The following KCNH1 variants were observed in gnomAD, a reference collection of about 807,000 sequenced individuals.
KCNH1 encodes voltage-gated delayed rectifier potassium channel KCNH1.
Under a neutral mutation model 69.2 loss-of-function variants are expected in KCNH1, and 27 were observed. The observed-to-expected ratio is 0.39, with a 90% CI of 0.29 to 0.54. The LOEUF (loss-of-function observed/expected upper bound fraction) is 0.54, where lower values mean the gene tolerates loss of function less well. Ranked by LOEUF, KCNH1 falls within the 20% of genes least tolerant of loss-of-function variation. The probability of loss-of-function intolerance (pLI) is 0.68; values close to 1 mark genes in which losing one functional copy is unlikely to be tolerated. For missense variants in KCNH1, 798 were observed against 1,261.6 expected (o/e 0.63, Z 5.57); for synonymous variants, 456 against 487.7 (o/e 0.93, Z 0.86).
intron 5 of KCNH1, among the ~76,000 whole-genome samples, chr1:211,065,089 T>C (rs1690504414): frequency 6.6e-6 from 1 of 152,174 alleles, no homozygotes; most frequent in South Asian, 2.1e-4. Context: ...TTCCTCAAAA[T>C]ATTTAAAATA....
intron 4 of KCNH1, 83 bp from the exon 5 acceptor site, chr1:211,082,981 A>G: frequency 9.0e-7 from 1 of 1,115,304 alleles, no homozygotes; most frequent in Non-Finnish European, 1.3e-6. Context: ...TTATACTGTC[A>G]GAAACAGACA....
At chr1:210,853,563 A>C (rs1445425732) in intron 7 of KCNH1, among the ~76,000 whole-genome samples, 1 of 152,184 alleles carries the variant, frequency 6.6e-6, no homozygotes, top group Non-Finnish European at 1.5e-5. Context: ...TGCATTCCTC[A>C]AGGGCACTCT....
chr1:211,040,064 G>A (rs374629536), intron 5 of KCNH1, among the ~76,000 whole-genome samples: 58 of 152,118 alleles, frequency 3.8e-4, no homozygotes, highest in East Asian at 2.5e-3. Flanking sequence ...GGTGGCGGGC[G>A]CCTGTAGTCC....
At chr1:210,995,131 G>C (rs1311724258) in intron 6 of KCNH1, among the ~76,000 whole-genome samples, 3 of 152,050 alleles carry the variant, frequency 2.0e-5, no homozygotes, top group African/African-American at 7.2e-5. Flanking sequence ...CTTACACAGA[G>C]AGGTGACAAT....
intron 6 of KCNH1, among the ~76,000 whole-genome samples, chr1:210,980,767 G>A (rs1038665232): frequency 7.2e-5 from 11 of 152,134 alleles, no homozygotes; most frequent in Admixed American, 1.3e-4. Flanking sequence ...GATATATATT[G>A]AGAAGCAACA....
At chr1:211,033,561 A>T (rs1202313463) in intron 5 of KCNH1, among the ~76,000 whole-genome samples, 1 of 152,244 alleles carries the variant, frequency 6.6e-6, no homozygotes, top group Non-Finnish European at 1.5e-5. Flanking sequence ...TGGCACATAT[A>T]CACCACGGAA....
Position 210,976,510 on chromosome 1 carries a change from G to A in KCNH1, c.1032+42273C>T, listed in dbSNP as rs1360528556. Among the ~76,000 whole-genome samples, 3 of 147,438 alleles carry A rather than the reference G, an allele frequency of 2.0e-5. No homozygotes were observed. In the East Asian group the frequency reaches 6.3e-4, roughly 31 times the overall value. On this transcript the variant is annotated intron_variant, in intron 6 of 10. Transcript: ENST00000271751. ...ACACTTTTACACTGTTGGTGGGACT[G>A]TAAACTAGTTCAACCATTGCGGAAG...
At position 210,916,120 on chromosome 1, in the gene KCNH1, C is replaced by T. The variant is rs545799496; in HGVS notation, c.1462+3520G>A. On this transcript the variant is annotated intron_variant, in intron 7 of 10. Coordinates refer to ENST00000271751, the MANE Select transcript of KCNH1 (RefSeq NM_172362.3). The stretch of plus-strand genomic sequence containing the variant: ...TGTTGATCCCAAATCTGATGTCAGT[C>T]TAATCCCATGAGCTGTACAGGAAGG... Among the ~76,000 whole-genome samples the T allele has an allele frequency of 2.6e-5, 4 of 152,206 alleles. No individual in the cohort carries two copies. In the South Asian group the frequency reaches 8.3e-4, roughly 32 times the overall value.
intron 7 of KCNH1, among the ~76,000 whole-genome samples, chr1:210,896,322 C>T (rs1339118405): frequency 6.6e-6 from 1 of 152,028 alleles, no homozygotes; most frequent in African/African-American, 2.4e-5. Context: ...TACTGACAAA[C>T]CCCTACCATC....
chr1:210,684,092 C>A lies in KCNH1; in HGVS notation c.2159G>T (p.Arg720Leu). The change falls in exon 11 of 11, where the codon CGC (arginine) becomes CTC (leucine). Residue 720 changes from arginine to leucine, a missense_variant. Arg to Leu is a moderately radical substitution (Grantham distance 102). Around this residue, in one of 4 missense-constraint regions of KCNH1, gnomAD observed 331 missense variants for 363.2 expected, o/e 0.91. Transcript: ENST00000271751. ...GGGGGCCTCATTCTTTCGTTTCATG[C>A]GTTCTTCCTCTTCACGTTTCACATC... The part of the protein sequence containing the change: ...ISDVKREEEE[R>L]MKRKNEAPLI... 1 of 1,515,150 alleles carries A rather than the reference C, an allele frequency of 6.6e-7. No individual in the cohort carries two copies. The highest frequency in any genetic ancestry group is 8.8e-7 in the Non-Finnish European group (1 of 1,131,742). 93.9% of individuals were successfully genotyped at this position (1,515,150 alleles called of 1,614,324 possible). A position where few individuals can be genotyped will look rare whatever the true frequency, so the allele number is the denominator to read the frequency against.
intron 7 of KCNH1, among the ~76,000 whole-genome samples, chr1:210,864,870 G>A (rs1270734770): frequency 6.6e-6 from 1 of 152,180 alleles, no homozygotes; most frequent in Non-Finnish European, 1.5e-5. Context: ...TCACATAACT[G>A]GTGGTTGACC....
At chr1:210,825,639 G>T (rs895432405) in intron 7 of KCNH1, among the ~76,000 whole-genome samples, 1 of 152,150 alleles carries the variant, frequency 6.6e-6, no homozygotes, top group African/African-American at 2.4e-5. Context: ...CTTTGAGAAC[G>T]GTTGCCCTGC....
At chr1:210,757,467 A>G (rs2185385) in intron 10 of KCNH1, among the ~76,000 whole-genome samples, 37,700 of 152,066 alleles carry the variant, frequency 0.25, 5,037 homozygotes, top group Middle Eastern at 0.36. Context: ...ATTCATGGTT[A>G]TCATATTCCC....
At chr1:210,795,147 G>GTTGTTGT (rs1553344272) in intron 9 of KCNH1, among the ~76,000 whole-genome samples, 2 of 123,974 alleles carry the variant, frequency 1.6e-5, no homozygotes, top group African/African-American at 5.4e-5. Context: ...TGTTGTTGTT[G>GTTGTTGT]TTGTTTGTTT....
At chr1:210,804,809 T>C (rs983539716) in intron 7 of KCNH1, among the ~76,000 whole-genome samples, 10 of 152,218 alleles carry the variant, frequency 6.6e-5, no homozygotes, top group African/African-American at 2.4e-4. Context: ...CACTTACTGT[T>C]AGTGCAACAA....
rs34414913 is a variant in KCNH1 at position 211,021,575 on chromosome 1, T to TACACACACAC, written c.559-2329_559-2320dup. Among the ~76,000 whole-genome samples, 17 of 149,688 alleles carry TACACACACAC rather than the reference T, an allele frequency of 1.1e-4. No individual in the cohort carries two copies. In the East Asian group the frequency reaches 3.2e-3, roughly 28 times the overall value. On this transcript the variant is annotated intron_variant, in intron 5 of 10. Transcript: ENST00000271751. ...ATCATATATTTAGAGAAACATAGAC[T>TACACACACAC]ACACACACACACACACACACACACA...
At position 210,834,098 on chromosome 1, in the gene KCNH1, T is replaced by C. The variant is rs1010714639; in HGVS notation, c.1463-29932A>G. Reference sequence around the variant, plus strand: ...TTACACTGTTGGTGGGACTGTAAACTAGTTCAACCATTGTGGAAGTCAGTG... The same window carrying C: ...TTACACTGTTGGTGGGACTGTAAACCAGTTCAACCATTGTGGAAGTCAGTG... On this transcript the variant is annotated intron_variant, in intron 7 of 10. Coordinates refer to ENST00000271751, the MANE Select transcript of KCNH1 (RefSeq NM_172362.3). Among the ~76,000 whole-genome samples the C allele has an allele frequency of 2.8e-4, 43 of 152,200 alleles. 1 individual carries two copies. The East Asian group carries it at 5.4e-3, about 19-fold the overall frequency.
chr1:211,075,587 G>C (rs1449438956), intron 5 of KCNH1, among the ~76,000 whole-genome samples: 2 of 152,170 alleles, frequency 1.3e-5, no homozygotes, highest in Non-Finnish European at 2.9e-5. Flanking sequence ...AGGTGTAGTT[G>C]AAAAAATAAA....
chr1:211,112,686 T>C (rs1004959751), intron 1 of KCNH1, among the ~76,000 whole-genome samples: 1 of 152,006 alleles, frequency 6.6e-6, no homozygotes, highest in Non-Finnish European at 1.5e-5. Flanking sequence ...CAAGCAATTA[T>C]AGCTCTAGGG....
Sources: allele counts gnomAD v4.1 joint callset (sites outside exome capture counted in the v4.1 genomes callset), GRCh38; gene constraint gnomAD v4.1.1; regional missense constraint gnomAD v4.1.1; transcripts MANE v1.5; gene names NCBI Gene and HGNC (gene_info 2026-07-23, HGNC 2026-07-21).